PTPRE: variants seen among roughly 807,000 people sequenced by gnomAD.
The protein encoded by PTPRE is protein tyrosine phosphatase receptor type E.
In PTPRE, 51 loss-of-function variants were observed where a neutral mutation model predicts 102.0. The observed-to-expected ratio is 0.50, with a 90% CI of 0.40 to 0.63. PTPRE has a LOEUF of 0.63. PTPRE is among the 30% of genes least tolerant of loss of function. PTPRE has a pLI of 0.00. For synonymous variants in PTPRE, 345 were observed against 348.2 expected (o/e 0.99, Z 0.10); for missense variants, 752 against 915.1 (o/e 0.82, Z 2.30).
At chr10:128,065,968 G>A in intron 10 of PTPRE, 107 bp from the exon 11 acceptor site, 1 of 1,516,530 alleles carries the variant, frequency 6.6e-7, no homozygotes, top group Non-Finnish European at 9.2e-7. Context: ...TGTGGGAGCT[G>A]TGTGACTCCA....
chr10:128,011,562 G>A (rs907555311), intron 2 of PTPRE, among the ~76,000 whole-genome samples: 4 of 152,250 alleles, frequency 2.6e-5, no homozygotes, highest in African/African-American at 9.6e-5. Context: ...CTTGGCGCAT[G>A]CGCGGAAGCG....
intron 10 of PTPRE, 33 bp from the exon 11 acceptor site, chr10:128,066,042 A>T (rs1850058396): frequency 6.2e-7 from 1 of 1,613,968 alleles, no homozygotes; most frequent in South Asian, 1.1e-5. Context: ...GCACCCACAG[A>T]TCTATTTGCT....
At chr10:127,984,806 G>A (rs1851945461) in intron 2 of PTPRE, among the ~76,000 whole-genome samples, 1 of 152,154 alleles carries the variant, frequency 6.6e-6, no homozygotes, top group Non-Finnish European at 1.5e-5. Flanking sequence ...TGATTGTGAG[G>A]CCTCCCCAGC....
At chr10:128,014,432 G>A (rs1022514928) in intron 2 of PTPRE, among the ~76,000 whole-genome samples, 16 of 152,104 alleles carry the variant, frequency 1.1e-4, no homozygotes, top group Admixed American at 5.2e-4. Flanking sequence ...TTCAAACGGC[G>A]TGTATCGAGG....
At chr10:128,058,466 G>A (rs771947176) in intron 7 of PTPRE, among the ~76,000 whole-genome samples, 25 of 152,190 alleles carry the variant, frequency 1.6e-4, no homozygotes, top group Non-Finnish European at 1.0e-4. Context: ...GGGAACCCCA[G>A]GGCCCACGCA....
intron 2 of PTPRE, 39 bp from the exon 3 acceptor site, chr10:128,040,836 T>C: frequency 6.5e-7 from 1 of 1,545,162 alleles, no homozygotes; most frequent in Non-Finnish European, 8.9e-7. Context: ...CCACAGCTGC[T>C]GCTGGATGAC....
chr10:127,987,817 G>C (rs1036843293), intron 2 of PTPRE, among the ~76,000 whole-genome samples: 4 of 152,206 alleles, frequency 2.6e-5, no homozygotes. Flanking sequence ...AATCAAAACT[G>C]CCCTCTTCAT....
At chr10:128,064,353 C>A (rs919500350) in intron 10 of PTPRE, among the ~76,000 whole-genome samples, 5 of 152,242 alleles carry the variant, frequency 3.3e-5, no homozygotes, top group African/African-American at 9.6e-5. Context: ...GAGGGCCACC[C>A]CTTTGCCCTT....
At chr10:127,990,411 C>CAAAAAAAAAAAAAAAAAAAAAAAA (rs60034358) in intron 2 of PTPRE, among the ~76,000 whole-genome samples, 1 of 65,738 alleles carries the variant, frequency 1.5e-5, no homozygotes. Flanking sequence ...GACTCCACCT[C>CAAAAAAAAAAAAAAAAAAAAAAAA]AAAAAAAAAA....
chr10:127,970,919 A>G (rs1274408432), intron 1 of PTPRE, among the ~76,000 whole-genome samples: 1 of 152,108 alleles, frequency 6.6e-6, no homozygotes, highest in Middle Eastern at 3.2e-3. Flanking sequence ...CCATCCCTCC[A>G]GGTTAAATTT....
At chr10:127,938,407 C>T (rs1847982871) in intron 1 of PTPRE, among the ~76,000 whole-genome samples, 1 of 151,996 alleles carries the variant, frequency 6.6e-6, no homozygotes, top group Non-Finnish European at 1.5e-5. Flanking sequence ...GGGCTCAGCT[C>T]ACCCTGTCCC....
intron 2 of PTPRE, among the ~76,000 whole-genome samples, chr10:127,989,571 T>C (rs1852427791): frequency 6.6e-6 from 1 of 152,156 alleles, no homozygotes; most frequent in Non-Finnish European, 1.5e-5. Flanking sequence ...CCAGCGGTGC[T>C]CTCTCGGACT....
intron 1 of PTPRE, among the ~76,000 whole-genome samples, chr10:127,930,688 C>A (rs2135233469): frequency 6.6e-6 from 1 of 152,264 alleles, no homozygotes; most frequent in African/African-American, 2.4e-5. Context: ...AAGAAACTTC[C>A]CAACTACTTT....
At chr10:128,060,915 G>C (rs376962876) in intron 7 of PTPRE, 24 bp from the exon 8 acceptor site, 1 of 1,608,768 alleles carries the variant, frequency 6.2e-7, no homozygotes, top group African/African-American at 1.3e-5. Flanking sequence ...TAATATCTTG[G>C]CTTTGTTTGG....
intron 1 of PTPRE, among the ~76,000 whole-genome samples, chr10:127,920,990 C>T (rs12784718): frequency 0.081 from 12,316 of 152,248 alleles, 527 homozygotes; most frequent in Non-Finnish European, 0.087. Flanking sequence ...GATAACTGGC[C>T]CAACCTCAAA....
At chr10:128,018,913 A>G (rs991574836) in intron 2 of PTPRE, among the ~76,000 whole-genome samples, 3 of 152,200 alleles carry the variant, frequency 2.0e-5, no homozygotes, top group African/African-American at 7.2e-5. Context: ...ACAGATAGAC[A>G]CACAGATACA....
intron 1 of PTPRE, among the ~76,000 whole-genome samples, chr10:127,970,088 C>T (rs572690937): frequency 2.2e-4 from 34 of 152,220 alleles, no homozygotes; most frequent in African/African-American, 5.5e-4. Context: ...CTTACACACA[C>T]GCGTAAAAAA....
intron 1 of PTPRE, among the ~76,000 whole-genome samples, chr10:127,946,726 G>A (rs1267503591): frequency 6.6e-6 from 1 of 152,234 alleles, no homozygotes; most frequent in African/African-American, 2.4e-5. Flanking sequence ...AAAAGGGGAG[G>A]AGTAGGAAGA....
intron 1 of PTPRE, among the ~76,000 whole-genome samples, chr10:127,946,946 C>T (rs906781034): frequency 1.3e-5 from 2 of 150,016 alleles, no homozygotes; most frequent in East Asian, 2.0e-4. Flanking sequence ...GAGGATCCCT[C>T]GAGCTCAGGA....
Sources: gnomAD v4.1 joint callset for allele counts (sites outside exome capture counted in the v4.1 genomes callset) on GRCh38, gnomAD v4.1.1 for gene constraint, MANE v1.5 for transcripts, NCBI Gene and HGNC (gene_info 2026-07-23, HGNC 2026-07-21) for gene names.